Variants in CTNNA3 observed in about 807,000 individuals in gnomAD.
CTNNA3 encodes catenin alpha-3.
In CTNNA3, 76 loss-of-function variants were observed where a neutral mutation model predicts 95.7. The observed-to-expected ratio is 0.79, with a 90% confidence interval of 0.66 to 0.96. The LOEUF is 0.96. Among genes scored for constraint, CTNNA3 ranks in the 40% least tolerant of loss-of-function variants. The pLI is 0.00. For synonymous variants in CTNNA3, 431 were observed against 374.4 expected (o/e 1.15, Z -1.74); for missense variants, 1,191 against 1,089.8 (o/e 1.09, Z -1.31).
chr10:67,499,667 G>A (rs893485226), intron 5 of CTNNA3, among the ~76,000 whole-genome samples: 12 of 152,130 alleles, frequency 7.9e-5, no homozygotes, highest in African/African-American at 2.2e-4. Context: ...TTGGGAGGGC[G>A]TATGTGTTGA....
chr10:67,230,427 C>G (rs914945228), intron 5 of CTNNA3, among the ~76,000 whole-genome samples: 1 of 152,014 alleles, frequency 6.6e-6, no homozygotes, highest in Non-Finnish European at 1.5e-5. Flanking sequence ...AAAGCAAATA[C>G]AAAGATAAAC....
chr10:66,734,626 G>A (rs545042634), intron 9 of CTNNA3, among the ~76,000 whole-genome samples: 1 of 152,204 alleles, frequency 6.6e-6, no homozygotes, highest in South Asian at 2.1e-4. Flanking sequence ...TGCTCTGGGA[G>A]GCCAAGGCGG....
At chr10:66,823,102 C>T (rs1162040938) in intron 7 of CTNNA3, among the ~76,000 whole-genome samples, 1 of 152,188 alleles carries the variant, frequency 6.6e-6, no homozygotes, top group Admixed American at 6.5e-5. Flanking sequence ...CCAGACCAGT[C>T]TCTCAGAGCC....
intron 12 of CTNNA3, among the ~76,000 whole-genome samples, chr10:66,339,147 T>C (rs2092427324): frequency 6.6e-6 from 1 of 151,924 alleles, no homozygotes; most frequent in Non-Finnish European, 1.5e-5. Context: ...ATATGAAACA[T>C]GTGCATTCTT....
intron 13 of CTNNA3, among the ~76,000 whole-genome samples, chr10:66,235,018 T>C (rs777590046): frequency 7.2e-5 from 11 of 152,222 alleles, no homozygotes; most frequent in Non-Finnish European, 1.3e-4. Flanking sequence ...TGAGAAGAAC[T>C]GAATTCTGTC....
At chr10:66,867,895 C>CA (rs74889073) in intron 7 of CTNNA3, among the ~76,000 whole-genome samples, 12,885 of 132,032 alleles carry the variant, frequency 0.098, 659 homozygotes, top group African/African-American at 0.12. Context: ...AAGGCACTAC[C>CA]AAAAAAAAAA....
In CTNNA3 at chr10:67,710,587, C is replaced by T. The variant is rs1029401181; in HGVS notation, c.-2+52847G>A. 1.3e-5 allele frequency among the ~76,000 whole-genome samples: 2 copies of T among 152,126 alleles called. 1 individual carries two copies. The highest frequency in any genetic ancestry group is 4.1e-4 in the South Asian group (2 of 4,824). The stretch of plus-strand genomic sequence containing the variant: ...GTATCACACAGTGACATATCCACAA[C>T]AGTGGTAGATAGAAACAATTCAGAA... On this transcript the variant is annotated intron_variant, in intron 1 of 17. Transcript: ENST00000684154.
intron 5 of CTNNA3, among the ~76,000 whole-genome samples, chr10:67,412,857 A>C (rs1169233141): frequency 6.6e-6 from 1 of 152,158 alleles, no homozygotes; most frequent in Non-Finnish European, 1.5e-5. Context: ...TCCTTAAGGG[A>C]GTTCTAAACA....
intron 5 of CTNNA3, among the ~76,000 whole-genome samples, chr10:67,275,970 A>C (rs939553743): frequency 2.6e-5 from 4 of 152,162 alleles, no homozygotes; most frequent in African/African-American, 9.6e-5. Context: ...TTGGAAAATC[A>C]CTTCTGGGTT....
intron 7 of CTNNA3, among the ~76,000 whole-genome samples, chr10:67,072,222 G>T (rs1479670121): frequency 1.6e-4 from 25 of 152,280 alleles, no homozygotes; most frequent in Admixed American, 1.4e-3. Flanking sequence ...CCAAAGTGCT[G>T]GGATTATAGG....
chr10:65,976,656 C>T (rs980553961), intron 16 of CTNNA3, among the ~76,000 whole-genome samples: 4 of 152,112 alleles, frequency 2.6e-5, no homozygotes, highest in Admixed American at 1.3e-4. Context: ...AGCCTTCTTT[C>T]CCATTGACAT....
At chr10:65,933,375 T>C (rs1216131810) in intron 17 of CTNNA3, among the ~76,000 whole-genome samples, 1 of 152,134 alleles carries the variant, frequency 6.6e-6, no homozygotes, top group Non-Finnish European at 1.5e-5. Flanking sequence ...AATTATGCCC[T>C]TTTACTCACT....
Position 66,976,044 on chromosome 10 carries a change from T to A in CTNNA3, c.1048-200520A>T, listed in dbSNP as rs187542457. 4.0e-3 allele frequency among the ~76,000 whole-genome samples: 611 copies of A among 152,272 alleles called. 2 individuals carry two copies. Among genetic ancestry groups the A allele is most frequent in the Non-Finnish European group, 5.0e-3 (339 of 68,002 alleles). ...TAATTTCCCTGTATAAAAGGCCCAA[T>A]AATAGGTCAGTTAGTCCACAAAATT... On this transcript the variant is annotated intron_variant, in intron 7 of 17. Transcript: ENST00000433211.
intron 11 of CTNNA3, among the ~76,000 whole-genome samples, chr10:66,381,422 A>T (rs2092837564): frequency 6.6e-6 from 1 of 152,150 alleles, no homozygotes; most frequent in Admixed American, 6.5e-5. Flanking sequence ...TGTTTTAATT[A>T]TTTACTTTTA....
intron 13 of CTNNA3, among the ~76,000 whole-genome samples, chr10:66,249,349 G>A (rs188869660): frequency 6.1e-4 from 93 of 152,058 alleles, no homozygotes; most frequent in Non-Finnish European, 9.7e-4. Context: ...CACAGAATGC[G>A]ATAAAATATT....
chr10:66,197,942 A>C (rs2131903235), intron 13 of CTNNA3, among the ~76,000 whole-genome samples: 1 of 152,290 alleles, frequency 6.6e-6, no homozygotes, highest in Non-Finnish European at 1.5e-5. Context: ...CAGGAAAATA[A>C]CTCTAAGGAG....
chr10:67,014,428 C>A (rs1213003186), intron 7 of CTNNA3, among the ~76,000 whole-genome samples: 1 of 152,102 alleles, frequency 6.6e-6, no homozygotes, highest in East Asian at 1.9e-4. Context: ...TAAGAAATAT[C>A]TTTATCTGGG....
At chr10:67,533,681 T>C (rs1239396174) in intron 4 of CTNNA3, among the ~76,000 whole-genome samples, 1 of 152,168 alleles carries the variant, frequency 6.6e-6, no homozygotes, top group Non-Finnish European at 1.5e-5. Context: ...TTGTCCATTT[T>C]TGGTTGCTCA....
At chr10:66,228,222 G>T (rs1589791572) in intron 13 of CTNNA3, among the ~76,000 whole-genome samples, 1 of 151,910 alleles carries the variant, frequency 6.6e-6, no homozygotes, top group East Asian at 1.9e-4. Flanking sequence ...GTTGGGTTTG[G>T]TTTGTTCTTG....
Sources: allele counts gnomAD v4.1 joint callset (sites outside exome capture counted in the v4.1 genomes callset), GRCh38; gene constraint gnomAD v4.1.1; transcripts MANE v1.5; gene names NCBI Gene and HGNC (gene_info 2026-07-23, HGNC 2026-07-21).